Variants in TMLHE observed in about 807,000 individuals in gnomAD.
The protein encoded by TMLHE is trimethyllysine hydroxylase, epsilon.
A neutral mutation model predicts 25.7 loss-of-function variants in TMLHE; 18 were observed. The observed-to-expected ratio is 0.70, with a 90% CI of 0.48 to 1.04. The LOEUF (loss-of-function observed/expected upper bound fraction) is 1.04. Ranked by LOEUF, TMLHE falls within the 50% of genes least tolerant of loss-of-function variation. TMLHE has a pLI of 0.00. For synonymous variants in TMLHE, 105 were observed against 97.0 expected (o/e 1.08, Z -0.49); for missense variants, 236 against 259.0 (o/e 0.91, Z 0.61).
At chrX:155,595,598 G>A (rs961452528) in intron 1 of TMLHE, among the ~76,000 whole-genome samples, 6 of 112,227 alleles carry the variant, frequency 5.3e-5, no homozygotes, top group Non-Finnish European at 7.5e-5. Flanking sequence ...ACCCAGTTAA[G>A]GACCATTGTA....
At chrX:155,509,929 A>C (rs1322114548) in intron 5 of TMLHE, among the ~76,000 whole-genome samples, 1 of 111,774 alleles carries the variant, frequency 8.9e-6, no homozygotes, top group East Asian at 2.8e-4. Context: ...AGTATGTATC[A>C]TCTTTGGTTC....
intron 1 of TMLHE, among the ~76,000 whole-genome samples, chrX:155,574,530 T>C: frequency 8.9e-6 from 1 of 112,221 alleles, no homozygotes; most frequent in East Asian, 2.8e-4. Context: ...GGTAATATTG[T>C]CTAAAACGTC....
At chrX:155,575,121 T>A (rs937470829) in intron 1 of TMLHE, among the ~76,000 whole-genome samples, 2 of 111,999 alleles carry the variant, frequency 1.8e-5, no homozygotes, top group African/African-American at 3.2e-5. Flanking sequence ...TTCTAAGGGC[T>A]ATGAGGGAAA....
At chrX:155,591,634 T>C (rs894045276) in intron 1 of TMLHE, among the ~76,000 whole-genome samples, 4 of 111,355 alleles carry the variant, frequency 3.6e-5, no homozygotes, top group African/African-American at 9.8e-5. Flanking sequence ...AAAACTAATA[T>C]ACCAAAATTT....
chrX:155,609,530 A>T (rs1244713070), intron 1 of TMLHE, among the ~76,000 whole-genome samples: 3 of 112,007 alleles, frequency 2.7e-5, no homozygotes, highest in Non-Finnish European at 5.6e-5. Context: ...TATACCTCTG[A>T]AACTAAAATA....
chrX:155,549,235 T>C (rs1403273533), intron 1 of TMLHE, among the ~76,000 whole-genome samples: 2 of 111,136 alleles, frequency 1.8e-5, no homozygotes, highest in Admixed American at 9.5e-5. Flanking sequence ...TGTTTGTTTT[T>C]TTGCTGCATT....
At position 155,583,085 on chromosome X, in the gene TMLHE, C is replaced by T. The variant is rs139369340; in HGVS notation, c.-2+29707G>A. Among the ~76,000 whole-genome samples, 768 of 111,369 alleles carry T rather than the reference C, an allele frequency of 6.9e-3. 6 individuals carry two copies. Among genetic ancestry groups the T allele is most frequent in the African/African-American group, 0.024 (730 of 30,630 alleles). ...ACTATTGCAAGGACAGAAAACCAAACACCACATGTTCTCACTCATAGGTGG... is the reference window on the plus strand; with the variant it reads ...ACTATTGCAAGGACAGAAAACCAAATACCACATGTTCTCACTCATAGGTGG... On this transcript the variant is annotated intron_variant, in intron 1 of 7. Coordinates refer to ENST00000334398, the MANE Select transcript of TMLHE (RefSeq NM_018196.4).
At chrX:155,590,444 C>T (rs1313659258) in intron 1 of TMLHE, among the ~76,000 whole-genome samples, 3 of 111,736 alleles carry the variant, frequency 2.7e-5, no homozygotes, top group Non-Finnish European at 3.8e-5. Flanking sequence ...TGTATTTTCT[C>T]CTTTCTTCCA....
chrX:155,580,941 C>G (rs1407163363), intron 1 of TMLHE, among the ~76,000 whole-genome samples: 1 of 111,637 alleles, frequency 9.0e-6, no homozygotes, highest in Non-Finnish European at 1.9e-5. Flanking sequence ...ACTAGCAAAC[C>G]AAATCTATCA....
intron 1 of TMLHE, among the ~76,000 whole-genome samples, chrX:155,548,023 C>A (rs1339357227): frequency 1.8e-5 from 2 of 111,581 alleles, no homozygotes; most frequent in South Asian, 3.7e-4. Context: ...TAGAAATCAG[C>A]CCAAGCAAAA....
rs782330843 is a variant in TMLHE at position 155,552,103 on chromosome X, A to G, written c.-1-6826T>C. On this transcript the variant is annotated intron_variant, in intron 1 of 7. Transcript: ENST00000334398. Reference sequence around the variant, plus strand: ...CATAAACCAAACTACAATAGGGTATATTATCCTTTTAATACATCACTGTTT... The same window carrying G: ...CATAAACCAAACTACAATAGGGTATGTTATCCTTTTAATACATCACTGTTT... Among the ~76,000 whole-genome samples, 26 of 109,914 alleles carry G rather than the reference A, an allele frequency of 2.4e-4. No homozygotes were observed. In the South Asian group the frequency reaches 8.7e-3, roughly 37 times the overall value.
chrX:155,601,514 T>C (rs1189792304), intron 1 of TMLHE, among the ~76,000 whole-genome samples: 1 of 110,486 alleles, frequency 9.1e-6, no homozygotes, highest in South Asian at 3.8e-4. Context: ...CATATTGCAA[T>C]CCCCAGAGCA....
intron 1 of TMLHE, among the ~76,000 whole-genome samples, chrX:155,568,654 A>G (rs1557342508): frequency 1.6e-5 from 1 of 61,927 alleles, no homozygotes; most frequent in Admixed American, 1.9e-4. Context: ...AGGAACGATC[A>G]GACAGCAGCA....
intron 2 of TMLHE, 40 bp from the exon 3 acceptor site, chrX:155,524,672 A>C: frequency 9.1e-7 from 1 of 1,097,310 alleles, no homozygotes; most frequent in South Asian, 2.6e-5. Context: ...ATTTATTGAG[A>C]TAACTTTAAA....
intron 1 of TMLHE, among the ~76,000 whole-genome samples, chrX:155,594,202 C>T (rs2067708757): frequency 9.0e-6 from 1 of 111,446 alleles, no homozygotes; most frequent in Admixed American, 9.6e-5. Flanking sequence ...ATAAGAAACA[C>T]ATCACATACA....
chrX:155,598,747 G>A (rs1212947201), intron 1 of TMLHE, among the ~76,000 whole-genome samples: 1 of 110,346 alleles, frequency 9.1e-6, no homozygotes, highest in Non-Finnish European at 1.9e-5. Context: ...ACAGAAGAAG[G>A]GTTCTGATTA....
At chrX:155,561,279 G>C (rs782397895) in intron 1 of TMLHE, among the ~76,000 whole-genome samples, 4 of 61,274 alleles carry the variant, frequency 6.5e-5, no homozygotes, top group African/African-American at 1.4e-4. Flanking sequence ...GGGAAAGCAA[G>C]GCACGTCTTA....
At chrX:155,612,198 T>A (rs1280001840) in intron 1 of TMLHE, 1 of 112,147 alleles carries the variant, frequency 8.9e-6, no homozygotes, top group African/African-American at 3.2e-5. Context: ...GCTTTTCCAT[T>A]GTTTTCGGAA....
chrX:155,547,840 C>G (rs988070258), intron 1 of TMLHE, among the ~76,000 whole-genome samples: 1 of 111,002 alleles, frequency 9.0e-6, no homozygotes, highest in Non-Finnish European at 1.9e-5. Flanking sequence ...TTCAAGGAAA[C>G]TGTTGATGAG....
Sources: gnomAD v4.1 joint callset for allele counts (sites outside exome capture counted in the v4.1 genomes callset) on GRCh38, gnomAD v4.1.1 for gene constraint, MANE v1.5 for transcripts, NCBI Gene and HGNC (gene_info 2026-07-23, HGNC 2026-07-21) for gene names.